The following RPS19 variants were observed in gnomAD, a reference collection of about 807,000 sequenced individuals.
RPS19 encodes the protein small ribosomal subunit protein eS19.
In RPS19, 1 loss-of-function variant was observed where a neutral mutation model predicts 20.3. That is an observed-to-expected ratio of 0.05 (90% CI 0.02 to 0.23). The LOEUF is 0.23. Ranked by LOEUF, RPS19 falls within the 10% of genes least tolerant of loss-of-function variation. The pLI is 1.00. For synonymous variants in RPS19, 87 were observed against 74.8 expected (o/e 1.16, Z -0.84); for missense variants, 111 against 192.7 (o/e 0.58, Z 2.51).
At chr19:41,865,671 C>T (rs782399380) in intron 3 of RPS19, among the ~76,000 whole-genome samples, 1 of 151,724 alleles carries the variant, frequency 6.6e-6, no homozygotes, top group African/African-American at 2.4e-5. Flanking sequence ...AACAGAGGCC[C>T]GGCGCGGTGG....
At chr19:41,861,318 G>A in intron 3 of RPS19, 106 bp downstream of exon 3, 1 of 818,680 alleles carries the variant, frequency 1.2e-6, no homozygotes, top group Non-Finnish European at 2.1e-6. Context: ...AAGAGGGAGA[G>A]AAACCCTTGG....
chr19:41,868,305 G>GCA (rs2074109912), intron 3 of RPS19, among the ~76,000 whole-genome samples: 1 of 152,186 alleles, frequency 6.6e-6, no homozygotes, highest in Non-Finnish European at 1.5e-5. Context: ...GTACCCTCTG[G>GCA]CACCTCAGTT....
intron 3 of RPS19, chr19:41,861,508 G>A (rs1555839289): frequency 4.8e-6 from 2 of 417,458 alleles, no homozygotes; most frequent in Non-Finnish European, 9.0e-6. Flanking sequence ...TATACACGGA[G>A]GCAGACTCCC....
In RPS19 at chr19:41,860,277, C is replaced by G. The variant is rs1398903839; in HGVS notation, c.-13C>G. On this transcript the variant is annotated 5_prime_UTR_variant, in exon 1 of 6. Coordinates refer to ENST00000598742, the MANE Select transcript of RPS19 (RefSeq NM_001022.4). ...GTTCCCTTTCCCCTGGCTGGCAGCG[C>G]GGAGGCCGCACGGTAAGCGGGGGCT... The G allele has an allele frequency of 1.3e-5, 2 of 153,190 alleles. No homozygotes were observed. Among genetic ancestry groups the G allele is most frequent in the Non-Finnish European group, 2.9e-5 (2 of 68,400 alleles). 9.5% of individuals were successfully genotyped at this position (153,190 alleles called of 1,614,324 possible).
At chr19:41,860,867 CA>C in intron 2 of RPS19, 22 bp downstream of exon 2, 1 of 1,600,554 alleles carries the variant, frequency 6.2e-7, no homozygotes, top group Non-Finnish European at 8.6e-7. Context: ...GACTGAGGTT[CA>C]AAACGGGTGG....
In RPS19 at chr19:41,872,356, C is replaced by T. The variant is rs1315746602; in HGVS notation, c.*979C>T. 6.6e-6 allele frequency: 1 copy of T among 152,290 alleles called. No homozygotes were observed. Among genetic ancestry groups the T allele is most frequent in the Admixed American group, 6.5e-5 (1 of 15,290 alleles). 9.4% of individuals were successfully genotyped at this position (152,290 alleles called of 1,614,324 possible). On this transcript the variant is annotated 3_prime_UTR_variant, in exon 6 of 6. Transcript: ENST00000598742. ...CAGGATTCCCCTGTCCAAATTATTCCTGGGATCTGACCCATTTCCTGGAAA... is the reference window on the plus strand; with the variant it reads ...CAGGATTCCCCTGTCCAAATTATTCTTGGGATCTGACCCATTTCCTGGAAA...
chr19:41,864,635 G>A (rs1280176280), intron 3 of RPS19: 1 of 152,258 alleles, frequency 6.6e-6, no homozygotes, highest in East Asian at 1.9e-4. Flanking sequence ...ACAGTAGAGT[G>A]GAGAGGGGTG....
chr19:41,861,115 C>G lies in RPS19; in HGVS notation c.75C>G (p.Ser25=), dbSNP rs370343297. Residue 25 remains serine, a synonymous_variant, in exon 3 of 6, where the codon TCC becomes TCG. Coordinates refer to ENST00000598742, the MANE Select transcript of RPS19 (RefSeq NM_001022.4). ...VRALAAFLKK[S]GKLKVPEWVD... The stretch of plus-strand genomic sequence containing the variant: ...TTTCCCACTGTTTTGGTCTTAGGTC[C>G]GGGAAGCTGAAAGTCCCCGAATGGG... 3.1e-5 allele frequency: 50 copies of G among 1,613,482 alleles called. No homozygotes were observed. Among genetic ancestry groups the G allele is most frequent in the Non-Finnish European group, 4.0e-5 (47 of 1,179,734 alleles).
chr19:41,869,540 C>A, intron 4 of RPS19, 159 bp from the exon 5 acceptor site: 1 of 719,872 alleles, frequency 1.4e-6, no homozygotes, highest in Non-Finnish European at 2.4e-6. Flanking sequence ...GCTCCCACTA[C>A]TGCCCCCAGC....
chr19:41,862,473 A>G (rs1012174212), intron 3 of RPS19, among the ~76,000 whole-genome samples: 4 of 152,072 alleles, frequency 2.6e-5, no homozygotes, highest in African/African-American at 7.3e-5. Flanking sequence ...TGGAAGTTAC[A>G]TATCTCCTCC....
chr19:41,867,038 G>A (rs868918782), intron 3 of RPS19, among the ~76,000 whole-genome samples: 15 of 148,370 alleles, frequency 1.0e-4, no homozygotes, highest in Non-Finnish European at 1.8e-4. Context: ...AAATATCGGG[G>A]CCAGCACAGT....
Position 41,860,762 on chromosome 19 carries a change from CT to C in RPS19, c.1-10del. On this transcript the variant is annotated splice_polypyrimidine_tract_variant and intron_variant, in intron 1 of 5. Transcript: ENST00000598742. ...GCCAGGCCTGTGTTCACATGCTTGA[CT>C]TTCTCCCTCAGATGCCTGGAGTTAC... The C allele has an allele frequency of 1.2e-6, 2 of 1,609,646 alleles. No homozygotes were observed. The highest frequency in any genetic ancestry group is 1.7e-6 in the Non-Finnish European group (2 of 1,175,882).
chr19:41,862,152 C>T (rs2074038611), intron 3 of RPS19, among the ~76,000 whole-genome samples: 1 of 152,164 alleles, frequency 6.6e-6, no homozygotes, highest in Non-Finnish European at 1.5e-5. Context: ...GTTTGGAAAT[C>T]GGCAAAACTC....
chr19:41,862,077 C>T (rs2074038081), intron 3 of RPS19, among the ~76,000 whole-genome samples: 1 of 152,166 alleles, frequency 6.6e-6, no homozygotes, highest in Non-Finnish European at 1.5e-5. Flanking sequence ...CCTTCTCTCT[C>T]TGTGAAGTGG....
At chr19:41,869,587 C>A in intron 4 of RPS19, 112 bp from the exon 5 acceptor site, 1 of 1,175,376 alleles carries the variant, frequency 8.5e-7, no homozygotes, top group Non-Finnish European at 1.3e-6. Flanking sequence ...CTCAGTGGGA[C>A]TTGGCTGGCG....
intron 3 of RPS19, among the ~76,000 whole-genome samples, chr19:41,862,417 G>C (rs1196348717): frequency 6.6e-6 from 1 of 152,138 alleles, no homozygotes; most frequent in African/African-American, 2.4e-5. Flanking sequence ...AAATGGGGCG[G>C]ATGAAGAGAA....
chr19:41,861,205 G>T lies in RPS19; in HGVS notation c.165G>T (p.Thr55=). 3.7e-6 allele frequency: 6 copies of T among 1,613,082 alleles called. No individual in the cohort carries two copies. The highest frequency in any genetic ancestry group is 1.1e-5 in the South Asian group (1 of 91,054). ...CCTACGATGAGAACTGGTTCTACAC[G>T]CGAGCTGGTGAGGAACTTAGGTCTT... ...LAPYDENWFY[T]RAASTARHLY... is the part of the protein sequence containing the mutation. Residue 55 remains threonine, a synonymous_variant, in exon 3 of 6, where the codon ACG becomes ACT. Coordinates refer to ENST00000598742, the MANE Select transcript of RPS19 (RefSeq NM_001022.4).
At chr19:41,865,182 TGTG>T (rs1450698943) in intron 3 of RPS19, among the ~76,000 whole-genome samples, 4 of 151,916 alleles carry the variant, frequency 2.6e-5, no homozygotes, top group Non-Finnish European at 5.9e-5. Flanking sequence ...TCCTGACCAA[TGTG>T]GTGAAACCCC....
At chr19:41,861,441 G>C in intron 3 of RPS19, 1 of 567,640 alleles carries the variant, frequency 1.8e-6, no homozygotes, top group East Asian at 3.0e-5. Flanking sequence ...AGCCTCAGGG[G>C]AAACCAGAGA....
Sources: gnomAD v4.1 joint callset for allele counts (sites outside exome capture counted in the v4.1 genomes callset) on GRCh38, gnomAD v4.1.1 for gene constraint, MANE v1.5 for transcripts, NCBI Gene and HGNC (gene_info 2026-07-23, HGNC 2026-07-21) for gene names.